The following RAPGEFL1 variants were observed in gnomAD, a reference collection of about 807,000 sequenced individuals.
RAPGEFL1 encodes the protein rap guanine nucleotide exchange factor-like 1.
Under a neutral mutation model 64.4 loss-of-function variants are expected in RAPGEFL1, and 31 were observed. That is an observed-to-expected ratio of 0.48 (90% CI 0.36 to 0.65). RAPGEFL1 has a LOEUF of 0.65. RAPGEFL1 is among the 30% of genes least tolerant of loss of function. RAPGEFL1 has a pLI of 0.00. For synonymous variants in RAPGEFL1, 331 were observed against 274.1 expected, an observed-to-expected ratio of 1.21 and a Z score of -2.05; for missense variants, 682 against 677.4, an observed-to-expected ratio of 1.01 and a Z score of -0.08.
Position 40,193,447 on chromosome 17 carries a change from A to G in RAPGEFL1, c.1864+30A>G, listed in dbSNP as rs200126238. Reference sequence around the variant, plus strand: ...GTACCCAGGGTACTGAGAGCAGTACAGATAGAGCTTTGACTGAACGGGAGG... The same window carrying G: ...GTACCCAGGGTACTGAGAGCAGTACGGATAGAGCTTTGACTGAACGGGAGG... On this transcript the variant is annotated intron_variant, in intron 14 of 14. Coordinates refer to ENST00000620260, the MANE Select transcript of RAPGEFL1 (RefSeq NM_016339.6). The G allele has an allele frequency of 7.1e-5, 114 of 1,612,688 alleles. No individual in the cohort carries two copies. In the African/African-American group the frequency reaches 1.3e-3, roughly 18 times the overall value.
intron 6 of RAPGEFL1, 86 bp downstream of exon 6, chr17:40,189,461 C>G (rs1360699552): frequency 7.0e-7 from 1 of 1,430,132 alleles, no homozygotes; most frequent in African/African-American, 1.4e-5. Context: ...AGACTGAATT[C>G]TAGGCCCTTG....
At chr17:40,184,801 A>G in intron 4 of RAPGEFL1, 123 bp downstream of exon 4, 1 of 639,308 alleles carries the variant, frequency 1.6e-6, no homozygotes, top group Non-Finnish European at 2.7e-6. Flanking sequence ...TTGTTTTGAG[A>G]CAGAGTCTCA....
intron 4 of RAPGEFL1, among the ~76,000 whole-genome samples, chr17:40,188,273 T>A (rs1485507041): frequency 6.6e-6 from 1 of 152,148 alleles, no homozygotes; most frequent in Non-Finnish European, 1.5e-5. Context: ...ATCTTCTCAA[T>A]GAAAACTTCC....
intron 6 of RAPGEFL1, 86 bp from the exon 7 acceptor site, chr17:40,190,348 G>C (rs969933820): frequency 9.1e-6 from 10 of 1,094,046 alleles, no homozygotes; most frequent in Non-Finnish European, 1.4e-5. Context: ...GTGGGGTGAG[G>C]AGTTTTTGGA....
upstream of RAPGEFL1, chr17:40,177,040 A>T: frequency 1.4e-6 from 1 of 701,464 alleles, no homozygotes; most frequent in Non-Finnish European, 2.6e-6. Context: ...ACAGATGGGC[A>T]CCGCCTCCAG....
Position 40,191,257 on chromosome 17 carries a change from C to G in RAPGEFL1, c.1336-59C>G. ...CCTCATCGCCTTGCACTGCCATCTT[C>G]CCACCCACTCCCCTCACCCCCTGGC... On this transcript the variant is annotated intron_variant, in intron 8 of 14. Coordinates refer to ENST00000620260, the MANE Select transcript of RAPGEFL1 (RefSeq NM_016339.6). The surrounding 1 kb of genome is among the most constrained non-coding windows in gnomAD (Gnocchi z 5.1). 1 of 1,445,250 alleles carries G rather than the reference C, an allele frequency of 6.9e-7. No homozygotes were observed. Among genetic ancestry groups the G allele is most frequent in the East Asian group, 2.6e-5 (1 of 38,426 alleles). The allele number at this position is 1,445,250 out of a possible 1,614,324, so 89.5% of individuals were successfully genotyped here.
At chr17:40,177,336 T>C (rs1285072932), upstream of RAPGEFL1, 2 of 675,888 alleles carry the variant, frequency 3.0e-6, no homozygotes, top group Non-Finnish European at 5.4e-6. Context: ...AGAACCCAAG[T>C]CCCTTACTGT....
Position 40,194,727 on chromosome 17 carries a change from A to G in RAPGEFL1, c.*939A>G, listed in dbSNP as rs945247165. 1 of 152,484 alleles carries G rather than the reference A, an allele frequency of 6.6e-6. No individual in the cohort carries two copies. Among genetic ancestry groups the G allele is most frequent in the African/African-American group, 2.4e-5 (1 of 41,418 alleles). The allele number at this position is 152,484 out of a possible 1,614,324, so 9.4% of individuals were successfully genotyped here. Reference sequence around the variant, plus strand: ...CTGCTTTTTGGGATATCTAACTGCTAAGGAGGGAGTTGACATCCCCCTTCT... The same window carrying G: ...CTGCTTTTTGGGATATCTAACTGCTGAGGAGGGAGTTGACATCCCCCTTCT... On this transcript the variant is annotated 3_prime_UTR_variant, in exon 15 of 15. Coordinates refer to ENST00000620260, the MANE Select transcript of RAPGEFL1 (RefSeq NM_016339.6).
intron 6 of RAPGEFL1, 110 bp from the exon 7 acceptor site, chr17:40,190,324 T>C (rs1408686464): frequency 4.9e-6 from 4 of 815,176 alleles, no homozygotes; most frequent in African/African-American, 1.7e-5. Context: ...TCCATTAGTC[T>C]AGAATGTGTC....
At chr17:40,190,358 A>T in intron 6 of RAPGEFL1, 76 bp from the exon 7 acceptor site, 2 of 1,289,118 alleles carry the variant, frequency 1.6e-6, no homozygotes, top group South Asian at 1.2e-5. Context: ...GAGTTTTTGG[A>T]TAGGACAGTG....
chr17:40,181,363 G>A (rs1486088854), intron 1 of RAPGEFL1: 8 of 611,478 alleles, frequency 1.3e-5, no homozygotes, highest in Non-Finnish European at 2.5e-5. Context: ...AAGTGCACAT[G>A]GCCATCAAAG....
At chr17:40,177,312 A>C (rs1371941805), upstream of RAPGEFL1, 1 of 702,154 alleles carries the variant, frequency 1.4e-6, no homozygotes, top group African/African-American at 1.8e-5. Context: ...CTTTGCCCTT[A>C]ATTTCTTCTG....
At chr17:40,185,396 A>G (rs1437601461) in intron 4 of RAPGEFL1, among the ~76,000 whole-genome samples, 1 of 151,742 alleles carries the variant, frequency 6.6e-6, no homozygotes, top group East Asian at 1.9e-4. Flanking sequence ...AGGTAGTAAA[A>G]TGGCTGGGCA....
chr17:40,184,117 T>C, intron 2 of RAPGEFL1, 97 bp from the exon 3 acceptor site: 1 of 916,964 alleles, frequency 1.1e-6, no homozygotes, highest in Non-Finnish European at 1.8e-6. Flanking sequence ...CTGCTGGGAT[T>C]ATAGGCGTGA....
At position 40,192,660 on chromosome 17, in the gene RAPGEFL1, C is replaced by A. The variant is rs949761961; in HGVS notation, c.1711C>A (p.Pro571Thr). 1.9e-6 allele frequency: 3 copies of A among 1,613,866 alleles called. No homozygotes were observed. In the African/African-American group the frequency reaches 4.0e-5, roughly 22 times the overall value. Reference protein sequence around the residue: ...YREVISKMKPPVIPFVPLILK... With the variant: ...YREVISKMKPTVIPFVPLILK... ...AGAAGTGATCTCCAAAATGAAGCCC[C>A]CTGTGATTCCCTTCGTGCCTCTGAT... Residue 571 changes from proline to threonine, a missense_variant, in exon 12 of 15, where the codon CCT (proline) becomes ACT (threonine). Pro to Thr is a conservative substitution (Grantham distance 38). Around this residue, in one of 2 missense-constraint regions of RAPGEFL1, gnomAD observed 411 missense variants for 519.4 expected, o/e 0.79. Coordinates refer to ENST00000620260, the MANE Select transcript of RAPGEFL1 (RefSeq NM_016339.6).
chr17:40,189,957 A>G (rs1990204659), intron 6 of RAPGEFL1, among the ~76,000 whole-genome samples: 1 of 149,884 alleles, frequency 6.7e-6, no homozygotes, highest in Non-Finnish European at 1.5e-5. Flanking sequence ...TCCGTCTCAA[A>G]AAAAAAAAAA....
At chr17:40,189,033 T>A (rs903582808) in intron 5 of RAPGEFL1, 55 bp downstream of exon 5, 3 of 1,544,254 alleles carry the variant, frequency 1.9e-6, no homozygotes. Context: ...GGGGGACATA[T>A]CTCTGGGTCT....
Position 40,192,982 on chromosome 17 carries a change from G to A in RAPGEFL1, c.1801G>A (p.Glu601Lys), listed in dbSNP as rs1990330719. ...CCTTGTAGATGGTTTGGTGAACATC[G>A]AGAAGCTGGTGAGTGAGTGGCACTG... ...KTLVDGLVNIEKLHSVAEKVR... is the reference protein window; with the variant it reads ...KTLVDGLVNIKKLHSVAEKVR... The change falls in exon 13 of 15, where the codon GAG (glutamate) becomes AAG (lysine). Residue 601 changes from glutamate (E) to lysine (K), a missense_variant. Around this residue, in one of 2 missense-constraint regions of RAPGEFL1, gnomAD observed 411 missense variants for 519.4 expected, o/e 0.79. Transcript: ENST00000620260. 15 of 1,613,778 alleles carry A rather than the reference G, an allele frequency of 9.3e-6. No individual in the cohort carries two copies. Among genetic ancestry groups the A allele is most frequent in the Middle Eastern group, 1.6e-4 (1 of 6,062 alleles).
Position 40,191,256 on chromosome 17 carries a change from TC to T in RAPGEFL1, c.1336-57del. The T allele has an allele frequency of 6.8e-7, 1 of 1,464,246 alleles. No homozygotes were observed. Among genetic ancestry groups the T allele is most frequent in the South Asian group, 1.3e-5 (1 of 75,718 alleles). The allele number at this position is 1,464,246 out of a possible 1,614,324, so 90.7% of individuals were successfully genotyped here. On this transcript the variant is annotated intron_variant, in intron 8 of 14. Coordinates refer to ENST00000620260, the MANE Select transcript of RAPGEFL1 (RefSeq NM_016339.6). The surrounding 1 kb of genome is among the most constrained non-coding windows in gnomAD (Gnocchi z 5.1). The stretch of plus-strand genomic sequence containing the variant: ...TCCTCATCGCCTTGCACTGCCATCT[TC>T]CCACCCACTCCCCTCACCCCCTGGC...
Sources: allele counts gnomAD v4.1 joint callset (sites outside exome capture counted in the v4.1 genomes callset), GRCh38; gene constraint gnomAD v4.1.1; regional missense constraint gnomAD v4.1.1; non-coding constraint Gnocchi (gnomAD v3.1); transcripts MANE v1.5; gene names NCBI Gene and HGNC (gene_info 2026-07-23, HGNC 2026-07-21).